Variants in GALNT13 observed in about 807,000 individuals in gnomAD.
The protein encoded by GALNT13 is UDP-GalNAc:polypeptide N-acetylgalactosaminyltransferase 13.
Under a neutral mutation model 64.2 loss-of-function variants are expected in GALNT13, and 28 were observed. That is an observed-to-expected ratio of 0.44 (90% CI 0.32 to 0.60). The LOEUF (loss-of-function observed/expected upper bound fraction) is 0.60, where lower values mean the gene tolerates loss of function less well. Among genes scored for constraint, GALNT13 ranks in the 20% least tolerant of loss-of-function variants. GALNT13 has a pLI of 0.05. For missense variants in GALNT13, 577 were observed against 669.8 expected, an observed-to-expected ratio of 0.86 and a Z score of 1.53; for synonymous variants, 214 against 224.6, an observed-to-expected ratio of 0.95 and a Z score of 0.42.
At chr2:153,618,934 T>A in the GALNT13 span, among the ~76,000 whole-genome samples, 1 of 152,164 alleles carries the variant, frequency 6.6e-6, no homozygotes, top group African/African-American at 2.4e-5. Context: ...GTGTGTTTCT[T>A]GTAGGCAACA....
intron 4 of GALNT13, among the ~76,000 whole-genome samples, chr2:154,217,914 C>T (rs746275966): frequency 2.0e-5 from 3 of 151,866 alleles, no homozygotes; most frequent in Admixed American, 6.6e-5. Flanking sequence ...CGCAGTTGTC[C>T]GGAATGAGAT....
chr2:154,287,025 G>T (rs1400791273), intron 8 of GALNT13: 2 of 623,544 alleles, frequency 3.2e-6, no homozygotes, highest in Non-Finnish European at 5.9e-6. Context: ...AAAGAGAGCT[G>T]GTCTCCAGGC....
At chr2:153,531,316 G>T in the GALNT13 span, among the ~76,000 whole-genome samples, 1 of 152,116 alleles carries the variant, frequency 6.6e-6, no homozygotes, top group Non-Finnish European at 1.5e-5. Flanking sequence ...AATGTGAAGG[G>T]GAAGCAAGCA....
At chr2:154,140,906 A>G (rs1306550810) in intron 4 of GALNT13, among the ~76,000 whole-genome samples, 2 of 152,176 alleles carry the variant, frequency 1.3e-5, no homozygotes, top group Non-Finnish European at 2.9e-5. Flanking sequence ...TTGTGTAAGC[A>G]TCATAGGTGT....
At chr2:153,297,777 A>G in the GALNT13 span, among the ~76,000 whole-genome samples, 2 of 152,220 alleles carry the variant, frequency 1.3e-5, no homozygotes, top group Non-Finnish European at 2.9e-5. Flanking sequence ...ACAATAGTGG[A>G]TGTGCTGAGT....
the GALNT13 span, among the ~76,000 whole-genome samples, chr2:153,225,045 A>G: frequency 1.3e-5 from 2 of 152,212 alleles, no homozygotes; most frequent in Admixed American, 1.3e-4. Flanking sequence ...AAAACTGCAG[A>G]TCAATATCTC....
the GALNT13 span, among the ~76,000 whole-genome samples, chr2:153,345,709 C>CCG: frequency 4.3e-5 from 5 of 115,672 alleles, no homozygotes; most frequent in South Asian, 8.1e-4. Flanking sequence ...CTTTCTCTTT[C>CCG]TCTCTTTCTG....
the GALNT13 span, among the ~76,000 whole-genome samples, chr2:153,808,198 A>T: frequency 6.6e-6 from 1 of 152,112 alleles, no homozygotes; most frequent in Non-Finnish European, 1.5e-5. Context: ...GTATTATTTC[A>T]TTCTATACTG....
At chr2:153,691,622 C>A in the GALNT13 span, among the ~76,000 whole-genome samples, 11 of 151,848 alleles carry the variant, frequency 7.2e-5, no homozygotes, top group Non-Finnish European at 1.2e-4. Context: ...AAAAAATTAG[C>A]CAAAAGACGA....
chr2:153,780,190 AT>A, the GALNT13 span, among the ~76,000 whole-genome samples: 7 of 142,186 alleles, frequency 4.9e-5, no homozygotes, highest in East Asian at 1.3e-3. Context: ...AGGTAACATA[AT>A]CTTCTTTTGG....
the GALNT13 span, among the ~76,000 whole-genome samples, chr2:153,210,457 T>C: frequency 6.6e-6 from 1 of 152,192 alleles, no homozygotes; most frequent in Non-Finnish European, 1.5e-5. Context: ...TTACATTAAT[T>C]GATTATTAAA....
At chr2:154,187,706 T>C (rs572971811) in intron 4 of GALNT13, among the ~76,000 whole-genome samples, 1 of 151,924 alleles carries the variant, frequency 6.6e-6, no homozygotes, top group Admixed American at 6.6e-5. Context: ...AACAACTACC[T>C]GAGAGCACAG....
chr2:153,643,783 T>C, the GALNT13 span, among the ~76,000 whole-genome samples: 1 of 151,994 alleles, frequency 6.6e-6, no homozygotes, highest in African/African-American at 2.4e-5. Context: ...AAAAATGGAA[T>C]GGTGGTTTGA....
At chr2:153,800,642 A>G in the GALNT13 span, among the ~76,000 whole-genome samples, 4 of 152,184 alleles carry the variant, frequency 2.6e-5, no homozygotes, top group African/African-American at 7.2e-5. Context: ...TGTCATTTCA[A>G]CGACGTTCAC....
intron 4 of GALNT13, among the ~76,000 whole-genome samples, chr2:154,209,631 T>G (rs2105797109): frequency 6.6e-6 from 1 of 152,266 alleles, no homozygotes; most frequent in Non-Finnish European, 1.5e-5. Context: ...TCATTAAAAG[T>G]TTTAGAAAAC....
At chr2:153,133,411 C>T in the GALNT13 span, among the ~76,000 whole-genome samples, 1 of 152,090 alleles carries the variant, frequency 6.6e-6, no homozygotes, top group Non-Finnish European at 1.5e-5. Context: ...CTCTCCTGTT[C>T]CTGAGTGGTA....
At chr2:154,176,000 C>G (rs1263338447) in intron 4 of GALNT13, among the ~76,000 whole-genome samples, 1 of 151,804 alleles carries the variant, frequency 6.6e-6, no homozygotes. Flanking sequence ...AAACATGGAC[C>G]ACTGTCAAGG....
intron 4 of GALNT13, among the ~76,000 whole-genome samples, chr2:154,204,059 C>G (rs565787796): frequency 3.3e-5 from 5 of 152,258 alleles, no homozygotes; most frequent in Non-Finnish European, 7.4e-5. Flanking sequence ...CATTTTGATC[C>G]AAACACACAG....
At chr2:154,277,887 A>G (rs1161479754) in intron 8 of GALNT13, among the ~76,000 whole-genome samples, 2 of 152,166 alleles carry the variant, frequency 1.3e-5, no homozygotes, top group African/African-American at 4.8e-5. Flanking sequence ...TGAAATAAAC[A>G]TTTTTGGTAT....
Sources: allele counts gnomAD v4.1 joint callset (sites outside exome capture counted in the v4.1 genomes callset), GRCh38; gene constraint gnomAD v4.1.1; transcripts MANE v1.5; gene names NCBI Gene and HGNC (gene_info 2026-07-23, HGNC 2026-07-21).